The following ALOX15B variants were observed in gnomAD, a reference collection of about 807,000 sequenced individuals.
The protein encoded by ALOX15B is arachidonate 15-lipoxygenase type B, also known as polyunsaturated fatty acid lipoxygenase ALOX15B.
In ALOX15B, 74 loss-of-function variants were observed where a neutral mutation model predicts 73.8. That is an observed-to-expected ratio of 1.00 (90% CI 0.83 to 1.22). ALOX15B has a LOEUF of 1.22. Among genes scored for constraint, ALOX15B ranks in the 50% most tolerant of loss-of-function variants. ALOX15B has a pLI of 0.00. For synonymous variants in ALOX15B, 353 were observed against 357.2 expected, an observed-to-expected ratio of 0.99 and a Z score of 0.13; for missense variants, 896 against 859.9, an observed-to-expected ratio of 1.04 and a Z score of -0.52.
Position 8,045,587 on chromosome 17 carries a change from C to T in ALOX15B, c.1101C>T (p.Phe367=). The T allele has an allele frequency of 1.9e-6, 3 of 1,614,214 alleles. No homozygotes were observed. Among genetic ancestry groups the T allele is most frequent in the South Asian group, 1.1e-5 (1 of 91,084 alleles). Residue 367 remains phenylalanine (F), a synonymous_variant, in exon 8 of 14, where the codon TTC becomes TTT. Coordinates refer to ENST00000380183, the MANE Select transcript of ALOX15B (RefSeq NM_001141.3). ...GGGTGCGCAATGCCGAGTTCTCCTTCCATGAGGCCCTCACGCACCTGCTGC... is the reference window on the plus strand; with the variant it reads ...GGGTGCGCAATGCCGAGTTCTCCTTTCATGAGGCCCTCACGCACCTGCTGC... ...KTWVRNAEFS[F]HEALTHLLHS... is the part of the protein sequence containing the mutation.
chr17:8,039,637 G>C (rs1488540852), intron 2 of ALOX15B, 32 bp downstream of exon 2: 3 of 1,187,844 alleles, frequency 2.5e-6, no homozygotes, highest in Non-Finnish European at 3.6e-6. Flanking sequence ...GGCTGCAGGG[G>C]GAGCACAGGA....
chr17:8,045,104 T>C, intron 6 of ALOX15B, 103 bp downstream of exon 6: 6 of 1,582,184 alleles, frequency 3.8e-6, no homozygotes, highest in Non-Finnish European at 5.2e-6. Context: ...GTTAGGGACC[T>C]ACCGCGTGCT....
Position 8,047,319 on chromosome 17 carries a change from G to A in ALOX15B, c.1519G>A (p.Glu507Lys), listed in dbSNP as rs759350664. 1 of 1,614,100 alleles carries A rather than the reference G, an allele frequency of 6.2e-7. No homozygotes were observed. Among genetic ancestry groups the A allele is most frequent in the Non-Finnish European group, 8.5e-7 (1 of 1,180,004 alleles). The stretch of plus-strand genomic sequence containing the variant: ...TGATGAGTCTGTCCAAGATGACAGA[G>A]AGCTCCAGGCCTGGGTCAGAGAGAT... ...PSDESVQDDR[E>K]LQAWVREIFS... is the part of the protein sequence containing the mutation. Residue 507 changes from glutamate (E) to lysine (K), a missense_variant, in exon 11 of 14, where the codon GAG (glutamate) becomes AAG (lysine). Transcript: ENST00000380183.
In ALOX15B at chr17:8,047,562, A is replaced by G; in HGVS notation, c.1580-2A>G. ...CCCATCCCAGCCCAGCTCTCCTTGC[A>G]GGTATACCCTCCTCACTGGAGACCC... On this transcript the variant is annotated splice_acceptor_variant, in intron 11 of 13. Coordinates refer to ENST00000380183, the MANE Select transcript of ALOX15B (RefSeq NM_001141.3). LOFTEE classifies it high-confidence loss of function. 1 of 1,598,734 alleles carries G rather than the reference A, an allele frequency of 6.3e-7. No individual in the cohort carries two copies. Among genetic ancestry groups the G allele is most frequent in the Admixed American group, 1.7e-5 (1 of 57,484 alleles).
chr17:8,042,588 T>C (rs1376797946), intron 4 of ALOX15B, 97 bp downstream of exon 4: 36 of 1,516,934 alleles, frequency 2.4e-5, no homozygotes, highest in Non-Finnish European at 3.2e-5. Flanking sequence ...CTCAGTGATA[T>C]GAGTCACATA....
chr17:8,044,764 GTC>G (rs2151813740), intron 5 of ALOX15B, 63 bp from the exon 6 acceptor site: 136 of 986,982 alleles, frequency 1.4e-4, no homozygotes, highest in Non-Finnish European at 1.9e-4. Context: ...CCGTCCCCGT[GTC>G]CCCCACCCCC....
Position 8,046,949 on chromosome 17 carries a change from A to G in ALOX15B, c.1330A>G (p.Arg444Gly). Residue 444 changes from arginine to glycine, a missense_variant, in exon 10 of 14, where the codon AGG becomes GGG. Coordinates refer to ENST00000380183, the MANE Select transcript of ALOX15B (RefSeq NM_001141.3). ...TGAAGGCTTCTCTGAGTTGATACAG[A>G]GGAACATGAAGCAGCTGAACTATTC... is the stretch of plus-strand genomic sequence containing the variant. ...GIEGFSELIQ[R>G]NMKQLNYSLL... 1 of 1,614,178 alleles carries G rather than the reference A, an allele frequency of 6.2e-7. No individual in the cohort carries two copies.
intron 11 of ALOX15B, 47 bp downstream of exon 11, chr17:8,047,426 G>T (rs111317013): frequency 6.2e-7 from 1 of 1,608,950 alleles, no homozygotes; most frequent in African/African-American, 1.3e-5. Flanking sequence ...GCCCATCCCC[G>T]TGTCCCCCAC....
Position 8,047,083 on chromosome 17 carries a change from G to T in ALOX15B, c.1457+7G>T, listed in dbSNP as rs1351001914. 6.2e-7 allele frequency: 1 copy of T among 1,613,154 alleles called. No homozygotes were observed. The highest frequency in any genetic ancestry group is 2.2e-5 in the East Asian group (1 of 44,884). ...TCTGGGGTGCAGTGGAACGGTGAGGGGCCGTCCCTGGAGAGCCGAGGGCTG... is the reference window on the plus strand; with the variant it reads ...TCTGGGGTGCAGTGGAACGGTGAGGTGCCGTCCCTGGAGAGCCGAGGGCTG... On this transcript the variant is annotated splice_region_variant and intron_variant, in intron 10 of 13. Coordinates refer to ENST00000380183, the MANE Select transcript of ALOX15B (RefSeq NM_001141.3).
In ALOX15B at chr17:8,044,105, G is replaced by GAGGAAGGAAGGAAGGAAGGAAGGA. The variant is rs556498649; in HGVS notation, c.677-698_677-675dup. 1.7e-3 allele frequency among the ~76,000 whole-genome samples: 104 copies of GAGGAAGGAAGGAAGGAAGGAAGGA among 62,368 alleles called. 3 individuals are homozygous for GAGGAAGGAAGGAAGGAAGGAAGGA. The highest frequency in any genetic ancestry group is 3.6e-3 in the East Asian group (10 of 2,752). 40.9% of individuals were successfully genotyped at this position (62,368 alleles called of 152,430 possible). The stretch of plus-strand genomic sequence containing the variant: ...GTGGGGAGTGGGGGAGAGAGAGAGA[G>GAGGAAGGAAGGAAGGAAGGAAGGA]AGGAAGGAAGGAAGGAAGGAAGGAA... On this transcript the variant is annotated intron_variant, in intron 5 of 13. Coordinates refer to ENST00000380183, the MANE Select transcript of ALOX15B (RefSeq NM_001141.3).
chr17:8,042,450 C>A lies in ALOX15B; in HGVS notation c.531C>A (p.Ser177=). Residue 177 remains serine (S), a synonymous_variant, in exon 4 of 14, where the codon TCC becomes TCA. Transcript: ENST00000380183. ...ACTTGGAGCTCAATATCAAATACTC[C>A]ACAGCCAAGAATGCCAACTTTTATC... ...VEDLELNIKY[S]TAKNANFYLQ... is the part of the protein sequence containing the mutation. 1 of 1,614,058 alleles carries A rather than the reference C, an allele frequency of 6.2e-7. No individual in the cohort carries two copies. The highest frequency in any genetic ancestry group is 8.5e-7 in the Non-Finnish European group (1 of 1,180,030).
intron 3 of ALOX15B, among the ~76,000 whole-genome samples, 165 bp downstream of exon 3, chr17:8,040,148 C>G (rs1976398373): frequency 6.6e-6 from 1 of 152,152 alleles, no homozygotes. Context: ...TGCAAATTCT[C>G]AGGCCACCTC....
chr17:8,046,546 G>T lies in ALOX15B; in HGVS notation c.1201-122G>T, dbSNP rs1976611770. The T allele has an allele frequency of 3.1e-6, 3 of 977,804 alleles. No homozygotes were observed. In the East Asian group the frequency reaches 7.9e-5, roughly 26 times the overall value. 60.6% of individuals were successfully genotyped at this position (977,804 alleles called of 1,614,324 possible). On this transcript the variant is annotated intron_variant, in intron 8 of 13. Transcript: ENST00000380183. ...AGGGCTCAGACCCCTGTCCCAGGCT[G>T]CCTCCTCTCATTCTTGTTGCCTCTT...
intron 3 of ALOX15B, among the ~76,000 whole-genome samples, 188 bp from the exon 4 acceptor site, chr17:8,042,181 A>G (rs780523689): frequency 1.3e-5 from 2 of 152,138 alleles, no homozygotes; most frequent in African/African-American, 2.4e-5. Flanking sequence ...GAGCCATCTC[A>G]CTGTGGGAAA....
At chr17:8,046,264 C>T (rs947731967) in intron 8 of ALOX15B, among the ~76,000 whole-genome samples, 3 of 152,246 alleles carry the variant, frequency 2.0e-5, no homozygotes, top group African/African-American at 7.2e-5. Context: ...TTCTTTCTGA[C>T]TATCTGCAGC....
chr17:8,044,684 G>T, intron 5 of ALOX15B, 145 bp from the exon 6 acceptor site: 1 of 679,558 alleles, frequency 1.5e-6, no homozygotes, highest in Non-Finnish European at 2.5e-6. Context: ...CTGAAGACAA[G>T]GGGCAGGGGA....
At chr17:8,044,599 CA>C (rs1976554169) in intron 5 of ALOX15B, among the ~76,000 whole-genome samples, 1 of 152,010 alleles carries the variant, frequency 6.6e-6, no homozygotes, top group South Asian at 2.1e-4. Flanking sequence ...GTGAGTTATT[CA>C]GGGGGAGTGT....
Position 8,044,945 on chromosome 17 carries a change from G to A in ALOX15B, c.793G>A (p.Asp265Asn), listed in dbSNP as rs866474395. 3.1e-6 allele frequency: 5 copies of A among 1,614,136 alleles called. No individual in the cohort carries two copies. Among genetic ancestry groups the A allele is most frequent in the Non-Finnish European group, 4.2e-6 (5 of 1,180,010 alleles). The change falls in exon 6 of 14, where the codon GAT becomes AAT. Residue 265 changes from aspartate (D) to asparagine (N), a missense_variant. Asp to Asn is a conservative substitution (Grantham distance 23). Transcript: ENST00000380183. The part of the protein sequence containing the change: ...HYLPKNFPVT[D>N]AMVASVLGPG... ...CCTCCCAAAGAACTTCCCCGTCACT[G>A]ATGCCATGGTGGCCTCAGTGTTGGG... is the stretch of plus-strand genomic sequence containing the variant.
At chr17:8,048,329 A>T in intron 13 of ALOX15B, 57 bp from the exon 14 acceptor site, 1 of 1,557,356 alleles carries the variant, frequency 6.4e-7, no homozygotes, top group Admixed American at 1.8e-5. Flanking sequence ...GGGGACCAGG[A>T]GTCTGGGATG....
Sources: allele counts gnomAD v4.1 joint callset (sites outside exome capture counted in the v4.1 genomes callset), GRCh38; gene constraint gnomAD v4.1.1; transcripts MANE v1.5; gene names NCBI Gene and HGNC (gene_info 2026-07-23, HGNC 2026-07-21).